VTI1A: variants seen among roughly 807,000 people sequenced by gnomAD.
VTI1A encodes the protein vesicle transport through interaction with t-SNAREs 1A, also known as vesicle transport through interaction with t-SNAREs homolog 1A.
Under a neutral mutation model 34.9 loss-of-function variants are expected in VTI1A, and 22 were observed. The observed-to-expected ratio is 0.63, with a 90% confidence interval of 0.45 to 0.90. The LOEUF (loss-of-function observed/expected upper bound fraction) is 0.90, where lower values mean the gene tolerates loss of function less well. VTI1A is among the 40% of genes least tolerant of loss of function. The pLI, the probability that VTI1A is intolerant of heterozygous loss-of-function variation, is 0.00. For missense variants in VTI1A, 268 were observed against 275.6 expected (o/e 0.97, Z 0.20); for synonymous variants, 87 against 97.3 (o/e 0.89, Z 0.62).
chr10:112,735,840 C>G (rs980926817), intron 7 of VTI1A, among the ~76,000 whole-genome samples: 1 of 151,760 alleles, frequency 6.6e-6, no homozygotes, highest in Non-Finnish European at 1.5e-5. Context: ...CCCTATGGCA[C>G]TCCAAGTGCC....
At chr10:112,464,757 T>G in intron 3 of VTI1A, 100 bp downstream of exon 3, 1 of 997,202 alleles carries the variant, frequency 1.0e-6, no homozygotes. Flanking sequence ...TGGGCTCATG[T>G]AGAAGACAAG....
chr10:112,855,276 C>T, the VTI1A span, among the ~76,000 whole-genome samples: 4 of 152,308 alleles, frequency 2.6e-5, no homozygotes, highest in East Asian at 7.7e-4. Flanking sequence ...TCTACCCCCA[C>T]CTCCTCATTA....
chr10:112,653,190 GTCCTAGCTGAAGTGTT>G (rs1371996542), intron 5 of VTI1A, among the ~76,000 whole-genome samples: 8 of 152,314 alleles, frequency 5.3e-5, no homozygotes, highest in Non-Finnish European at 7.4e-5. Flanking sequence ...GATATTTTCT[GTCCTAGCTGAAGTGTT>G]TCCATTTGAT....
chr10:112,748,376 A>G (rs1850979727), intron 7 of VTI1A, among the ~76,000 whole-genome samples: 1 of 152,060 alleles, frequency 6.6e-6, no homozygotes, highest in Non-Finnish European at 1.5e-5. Context: ...AGCTATTTAA[A>G]TTAACTCTAT....
At chr10:112,759,044 C>G (rs1017480141) in intron 7 of VTI1A, among the ~76,000 whole-genome samples, 1 of 152,182 alleles carries the variant, frequency 6.6e-6, no homozygotes, top group Non-Finnish European at 1.5e-5. Context: ...GTCTCCTGCC[C>G]TGTTCCCTCC....
chr10:112,526,532 G>A (rs1850229775), intron 3 of VTI1A, among the ~76,000 whole-genome samples: 1 of 152,038 alleles, frequency 6.6e-6, no homozygotes, highest in African/African-American at 2.4e-5. Flanking sequence ...GTACAGGGGA[G>A]GGGCTTTAAA....
chr10:112,506,278 C>A (rs1251909066), intron 3 of VTI1A, among the ~76,000 whole-genome samples: 2 of 152,104 alleles, frequency 1.3e-5, no homozygotes, highest in East Asian at 3.9e-4. Flanking sequence ...GTACTATAAT[C>A]TTATGAGACT....
chr10:112,781,270 A>G (rs7085310), intron 7 of VTI1A, among the ~76,000 whole-genome samples: 110,241 of 151,904 alleles, frequency 0.73, 40,329 homozygotes, highest in East Asian at 0.95. Context: ...CATCATTACC[A>G]CCTTTGGGAC....
At chr10:112,492,960 C>T (rs535779771) in intron 3 of VTI1A, among the ~76,000 whole-genome samples, 34 of 152,290 alleles carry the variant, frequency 2.2e-4, no homozygotes, top group African/African-American at 7.7e-4. Context: ...CGTCCTCATT[C>T]GTACTCCCAT....
the VTI1A span, among the ~76,000 whole-genome samples, chr10:112,833,249 A>G: frequency 4.0e-5 from 6 of 151,890 alleles, no homozygotes; most frequent in South Asian, 8.3e-4. Flanking sequence ...TAGGGCATGC[A>G]ATCTATCTAA....
intron 7 of VTI1A, among the ~76,000 whole-genome samples, chr10:112,766,640 C>T (rs1851654701): frequency 2.7e-5 from 3 of 110,658 alleles, no homozygotes; most frequent in African/African-American, 1.7e-4. Context: ...AAAAAATGCT[C>T]AAGGAATATG....
At chr10:112,567,375 GA>G (rs1318531947) in intron 5 of VTI1A, among the ~76,000 whole-genome samples, 1 of 152,126 alleles carries the variant, frequency 6.6e-6, no homozygotes, top group African/African-American at 2.4e-5. Context: ...ACCATTTTAT[GA>G]ATTCACATAA....
At chr10:112,510,905 AG>A (rs1564806803) in intron 3 of VTI1A, among the ~76,000 whole-genome samples, 1 of 152,200 alleles carries the variant, frequency 6.6e-6, no homozygotes, top group Non-Finnish European at 1.5e-5. Flanking sequence ...ATGGGATAAA[AG>A]TTTAAATTGC....
In VTI1A at chr10:112,817,408, A is replaced by T. The variant is rs968553700; in HGVS notation, c.*2025A>T. The stretch of plus-strand genomic sequence containing the variant: ...CATGTTGAAGCAGACAAAATGAGAA[A>T]GGAGGAGGGCATTGCTCACCTCTCA... On this transcript the variant is annotated 3_prime_UTR_variant, in exon 8 of 8. Coordinates refer to ENST00000393077, the MANE Select transcript of VTI1A (RefSeq NM_145206.4). The T allele has an allele frequency of 4.3e-6, 1 of 232,110 alleles. No individual in the cohort carries two copies. The highest frequency in any genetic ancestry group is 8.5e-6 in the Non-Finnish European group (1 of 117,398). 14.4% of individuals were successfully genotyped at this position (232,110 alleles called of 1,614,324 possible).
chr10:112,714,793 T>C (rs1053498321), intron 7 of VTI1A, among the ~76,000 whole-genome samples: 1 of 152,240 alleles, frequency 6.6e-6, no homozygotes, highest in Non-Finnish European at 1.5e-5. Flanking sequence ...AAAAAAACAC[T>C]AACTGAAAAA....
chr10:112,447,532 G>A (rs1011130201), intron 1 of VTI1A, 65 bp downstream of exon 1: 6 of 1,542,376 alleles, frequency 3.9e-6, no homozygotes, highest in African/African-American at 2.7e-5. Context: ...GCGGTGGAAC[G>A]CCGCCCGAGT....
chr10:112,681,848 G>A (rs1848228142), intron 7 of VTI1A, among the ~76,000 whole-genome samples: 1 of 152,134 alleles, frequency 6.6e-6, no homozygotes, highest in South Asian at 2.1e-4. Context: ...TGTTGGCAGA[G>A]TACATAAATT....
intron 3 of VTI1A, among the ~76,000 whole-genome samples, chr10:112,503,521 G>A (rs1849316109): frequency 6.6e-6 from 1 of 152,188 alleles, no homozygotes; most frequent in South Asian, 2.1e-4. Context: ...CCTTTGGTAA[G>A]TTACTAATTT....
chr10:112,790,764 GTT>G (rs56892510), intron 7 of VTI1A, among the ~76,000 whole-genome samples: 11 of 142,296 alleles, frequency 7.7e-5, no homozygotes, highest in Admixed American at 7.0e-5. Flanking sequence ...ACTAAAAGAC[GTT>G]TTTTTTTTTT....
Sources: gnomAD v4.1 joint callset for allele counts (sites outside exome capture counted in the v4.1 genomes callset) on GRCh38, gnomAD v4.1.1 for gene constraint, MANE v1.5 for transcripts, NCBI Gene and HGNC (gene_info 2026-07-23, HGNC 2026-07-21) for gene names.